The following CDH13 variants were observed in gnomAD, a reference collection of about 807,000 sequenced individuals.
The protein encoded by CDH13 is cadherin-13.
CDH13 carries 24 observed loss-of-function variants against 63.8 expected under a neutral mutation model. The observed-to-expected ratio is 0.38, with a 90% CI of 0.27 to 0.53. CDH13 has a LOEUF of 0.53. CDH13 is among the 20% of genes least tolerant of loss of function. CDH13 has a pLI of 0.85. For missense variants in CDH13, 1,049 were observed against 903.1 expected, an observed-to-expected ratio of 1.16 and a Z score of -2.07; for synonymous variants, 503 against 355.3, an observed-to-expected ratio of 1.42 and a Z score of -4.67.
intron 4 of CDH13, among the ~76,000 whole-genome samples, chr16:83,137,201 C>T (rs1027419237): frequency 6.6e-6 from 1 of 152,200 alleles, no homozygotes; most frequent in African/African-American, 2.4e-5. Context: ...CATTTTTTGA[C>T]AACTCTGCCT....
chr16:83,050,148 C>T (rs886855113), intron 3 of CDH13, among the ~76,000 whole-genome samples: 16 of 152,076 alleles, frequency 1.1e-4, no homozygotes, highest in African/African-American at 1.2e-4. Flanking sequence ...TTAAAAAAAA[C>T]CCTGCTTATT....
chr16:83,142,525 C>G, intron 4 of CDH13, among the ~76,000 whole-genome samples: 1 of 152,164 alleles, frequency 6.6e-6, no homozygotes, highest in East Asian at 1.9e-4. Context: ...GTTACCTCCT[C>G]GGGGAAGCTT....
chr16:83,480,098 G>A lies in CDH13; in HGVS notation c.782-6379G>A, dbSNP rs188577886. On this transcript the variant is annotated intron_variant, in intron 6 of 13. Coordinates refer to ENST00000567109, the MANE Select transcript of CDH13 (RefSeq NM_001257.5). ...CCAGCACTTTGGGAGGACAACGTGG[G>A]CAGATCGCTTGACTCCAGGGGTTCA... 2.6e-4 allele frequency among the ~76,000 whole-genome samples: 39 copies of A among 152,272 alleles called. No homozygotes were observed. In the East Asian group the frequency reaches 6.9e-3, roughly 27 times the overall value.
intron 1 of CDH13, among the ~76,000 whole-genome samples, chr16:82,701,666 C>G (rs2031034395): frequency 6.6e-6 from 1 of 152,042 alleles, no homozygotes; most frequent in Non-Finnish European, 1.5e-5. Context: ...AACGTGGCTT[C>G]CAGCAGCAAT....
intron 2 of CDH13, among the ~76,000 whole-genome samples, chr16:82,872,271 G>C (rs2040367447): frequency 6.6e-6 from 1 of 152,216 alleles, no homozygotes; most frequent in Non-Finnish European, 1.5e-5. Context: ...TGCTGGTGAT[G>C]CTGGTGAGCA....
intron 3 of CDH13, among the ~76,000 whole-genome samples, chr16:83,077,803 G>A (rs1239005984): frequency 6.6e-6 from 1 of 152,102 alleles, no homozygotes; most frequent in African/African-American, 2.4e-5. Context: ...TTCTGAATTG[G>A]TCGATCCTCT....
At chr16:83,168,702 T>C (rs2151724907) in intron 4 of CDH13, among the ~76,000 whole-genome samples, 1 of 152,286 alleles carries the variant, frequency 6.6e-6, no homozygotes, top group East Asian at 1.9e-4. Flanking sequence ...CATATGAGTA[T>C]AATTAAATAC....
At chr16:82,925,746 C>G (rs1355270847) in intron 2 of CDH13, among the ~76,000 whole-genome samples, 1 of 152,192 alleles carries the variant, frequency 6.6e-6, no homozygotes, top group Non-Finnish European at 1.5e-5. Flanking sequence ...CTAAGAGCAG[C>G]CCATTGCTAG....
intron 4 of CDH13, among the ~76,000 whole-genome samples, chr16:83,184,186 A>C (rs553536758): frequency 6.6e-6 from 1 of 151,794 alleles, no homozygotes; most frequent in South Asian, 2.1e-4. Context: ...GCTGTTTCCA[A>C]ATCTGGCTTG....
intron 5 of CDH13, among the ~76,000 whole-genome samples, chr16:83,248,669 C>T (rs1905201007): frequency 6.6e-6 from 1 of 152,162 alleles, no homozygotes; most frequent in African/African-American, 2.4e-5. Flanking sequence ...ATGTACTTCT[C>T]TTTCATGAAC....
At chr16:83,194,569 T>C (rs531190645) in intron 4 of CDH13, among the ~76,000 whole-genome samples, 1 of 152,372 alleles carries the variant, frequency 6.6e-6, no homozygotes, top group East Asian at 1.9e-4. Flanking sequence ...GCCATTTCTA[T>C]AGCCGAAACA....
At chr16:82,695,137 G>A (rs560337901) in intron 1 of CDH13, among the ~76,000 whole-genome samples, 74 of 152,172 alleles carry the variant, frequency 4.9e-4, no homozygotes, top group Admixed American at 2.3e-3. Flanking sequence ...ATCCTGAAGC[G>A]GAGGCTGGTG....
intron 1 of CDH13, among the ~76,000 whole-genome samples, chr16:82,738,193 G>C (rs1350840488): frequency 6.6e-6 from 1 of 152,084 alleles, no homozygotes; most frequent in African/African-American, 2.4e-5. Flanking sequence ...GAATATGATG[G>C]GTGCTTTGTG....
At chr16:83,259,158 C>T (rs62040390) in intron 5 of CDH13, among the ~76,000 whole-genome samples, 1 of 152,020 alleles carries the variant, frequency 6.6e-6, no homozygotes, top group African/African-American at 2.4e-5. Flanking sequence ...GGGGGACAGT[C>T]ACTAAGAAGA....
intron 7 of CDH13, among the ~76,000 whole-genome samples, chr16:83,530,116 G>T (rs1201903201): frequency 6.6e-6 from 1 of 152,192 alleles, no homozygotes; most frequent in Non-Finnish European, 1.5e-5. Flanking sequence ...ACCTGTTCCT[G>T]CTGGCCCTTG....
intron 4 of CDH13, among the ~76,000 whole-genome samples, chr16:83,205,147 T>C (rs969241656): frequency 3.3e-5 from 5 of 152,272 alleles, no homozygotes; most frequent in African/African-American, 1.2e-4. Flanking sequence ...TCACCAGAGA[T>C]TCCAGGAGCC....
intron 2 of CDH13, among the ~76,000 whole-genome samples, chr16:82,938,642 G>A (rs1043566223): frequency 6.6e-5 from 10 of 152,140 alleles, no homozygotes; most frequent in African/African-American, 2.2e-4. Context: ...TGCAGTCCTC[G>A]AGAAGAGACA....
At chr16:82,712,156 G>A (rs1051343421) in intron 1 of CDH13, among the ~76,000 whole-genome samples, 1 of 152,074 alleles carries the variant, frequency 6.6e-6, no homozygotes, top group Non-Finnish European at 1.5e-5. Flanking sequence ...TCTATTGAAT[G>A]TTCTACAGAC....
At chr16:83,537,883 A>G (rs988185002) in intron 7 of CDH13, among the ~76,000 whole-genome samples, 2 of 152,200 alleles carry the variant, frequency 1.3e-5, no homozygotes, top group East Asian at 1.9e-4. Context: ...TACCATAACT[A>G]TATTCAACAT....
Sources: allele counts gnomAD v4.1 joint callset (sites outside exome capture counted in the v4.1 genomes callset), GRCh38; gene constraint gnomAD v4.1.1; transcripts MANE v1.5; gene names NCBI Gene and HGNC (gene_info 2026-07-23, HGNC 2026-07-21).